EXOSC7: variants seen among roughly 807,000 people sequenced by gnomAD.
EXOSC7 encodes the protein exosome component 7, also known as exosome complex component RRP42.
Under a neutral mutation model 34.3 loss-of-function variants are expected in EXOSC7, and 25 were observed. The ratio of observed to expected loss-of-function variants is 0.73; its 90% confidence interval spans 0.53 to 1.02. The LOEUF (loss-of-function observed/expected upper bound fraction) is 1.02. Ranked by LOEUF, EXOSC7 falls within the 50% of genes least tolerant of loss-of-function variation. EXOSC7 has a pLI of 0.00. For missense variants in EXOSC7, 370 were observed against 368.5 expected, an observed-to-expected ratio of 1.00 and a Z score of -0.03; for synonymous variants, 130 against 143.0, an observed-to-expected ratio of 0.91 and a Z score of 0.65.
chr3:44,991,240 T>G (rs1057331139), intron 3 of EXOSC7, among the ~76,000 whole-genome samples: 4 of 152,184 alleles, frequency 2.6e-5, no homozygotes, highest in Non-Finnish European at 4.4e-5. Context: ...TGTCCCCTAC[T>G]CTGGTCCCCC....
chr3:44,978,954 G>T (rs976139827), intron 1 of EXOSC7, among the ~76,000 whole-genome samples: 1 of 152,144 alleles, frequency 6.6e-6, no homozygotes, highest in Non-Finnish European at 1.5e-5. Context: ...CTTTAAAGGG[G>T]GAATGAGTTG....
chr3:45,003,649 C>G, intron 5 of EXOSC7, among the ~76,000 whole-genome samples: 2 of 152,202 alleles, frequency 1.3e-5, no homozygotes, highest in Middle Eastern at 3.4e-3. Context: ...CTCCTCCAAC[C>G]CAGCCTGGAG....
At chr3:44,987,297 G>A (rs1706448556) in intron 1 of EXOSC7, among the ~76,000 whole-genome samples, 1 of 152,228 alleles carries the variant, frequency 6.6e-6, no homozygotes, top group Admixed American at 6.5e-5. Flanking sequence ...ATTTCTCTGA[G>A]CATACTTTTC....
chr3:44,994,638 T>C (rs1458291166), intron 3 of EXOSC7, among the ~76,000 whole-genome samples: 1 of 152,174 alleles, frequency 6.6e-6, no homozygotes, highest in Non-Finnish European at 1.5e-5. Context: ...CCAGCCTTTG[T>C]CTTCACACAT....
intron 1 of EXOSC7, among the ~76,000 whole-genome samples, chr3:44,988,230 T>G (rs1445043798): frequency 7.9e-5 from 12 of 152,138 alleles, no homozygotes. Flanking sequence ...TGGAGGCATG[T>G]TGAAAGAGCA....
rs537019300 is a variant in EXOSC7 at position 44,976,281 on chromosome 3, G to C, written c.4G>C (p.Ala2Pro). The C allele has an allele frequency of 1.9e-6, 3 of 1,561,660 alleles. No individual in the cohort carries two copies. Among genetic ancestry groups the C allele is most frequent in the Non-Finnish European group, 2.6e-6 (3 of 1,160,084 alleles). ...GCTCGTGGGGCAGCTCGGCAGCATGGCGTCCGTGACGCTGAGCGAGGCGGA... is the reference window on the plus strand; with the variant it reads ...GCTCGTGGGGCAGCTCGGCAGCATGCCGTCCGTGACGCTGAGCGAGGCGGA... The part of the protein sequence containing the change: M[A>P]SVTLSEAEKV... Residue 2 changes from alanine to proline, a missense_variant, in exon 1 of 8, where the codon GCG becomes CCG. Ala to Pro is a conservative substitution (Grantham distance 27, BLOSUM62 -1). This residue lies in a region of EXOSC7 where 95 missense variants were observed against 79.8 expected (regional missense o/e 1.19). Coordinates refer to ENST00000265564, the MANE Select transcript of EXOSC7 (RefSeq NM_015004.4).
At chr3:44,980,556 A>T (rs976605938) in intron 1 of EXOSC7, among the ~76,000 whole-genome samples, 2 of 152,224 alleles carry the variant, frequency 1.3e-5, no homozygotes, top group Admixed American at 1.3e-4. Flanking sequence ...TGCAAAGCCC[A>T]TACTTGACTC....
Position 44,979,171 on chromosome 3 carries a change from CA to C in EXOSC7, c.57+2840del, listed in dbSNP as rs1042887410. Among the ~76,000 whole-genome samples the C allele has an allele frequency of 2.6e-4, 39 of 152,236 alleles. 1 individual carries two copies. The highest frequency in any genetic ancestry group is 2.3e-3 in the Admixed American group (35 of 15,296). On this transcript the variant is annotated intron_variant, in intron 1 of 7. Transcript: ENST00000265564. ...GGAGCAAAACACAATTTACACCATCCAAATAAAGGTCAGGATGCAGGTGAAT... is the reference window on the plus strand; with the variant it reads ...GGAGCAAAACACAATTTACACCATCCAATAAAGGTCAGGATGCAGGTGAAT...
chr3:45,007,650 C>A, intron 7 of EXOSC7, 75 bp downstream of exon 7: 1 of 1,423,554 alleles, frequency 7.0e-7, no homozygotes, highest in South Asian at 1.4e-5. Flanking sequence ...TTGGTCATAC[C>A]GTGGGGATTC....
chr3:45,004,188 G>T (rs1323456291), intron 5 of EXOSC7: 1 of 152,068 alleles, frequency 6.6e-6, no homozygotes, highest in East Asian at 1.9e-4. Flanking sequence ...TTCACAAAGT[G>T]TTTTACCAGT....
intron 7 of EXOSC7, among the ~76,000 whole-genome samples, 170 bp downstream of exon 7, chr3:45,007,745 G>A (rs963406548): frequency 1.3e-5 from 2 of 152,176 alleles, no homozygotes; most frequent in Non-Finnish European, 2.9e-5. Context: ...ATCAAGGGGG[G>A]TTGTGGGGGT....
At chr3:44,977,457 C>T (rs915868839) in intron 1 of EXOSC7, 12 of 152,160 alleles carry the variant, frequency 7.9e-5, no homozygotes, top group Admixed American at 6.5e-4. Context: ...CGTGACCTGC[C>T]GTTATCTTCT....
intron 1 of EXOSC7, among the ~76,000 whole-genome samples, chr3:44,983,547 A>G (rs1221110829): frequency 6.6e-6 from 1 of 152,182 alleles, no homozygotes; most frequent in Non-Finnish European, 1.5e-5. Context: ...CCCTACTGGT[A>G]GGGTTGTTGT....
At position 44,977,717 on chromosome 3, in the gene EXOSC7, A is replaced by G. The variant is rs563009669; in HGVS notation, c.57+1383A>G. Among the ~76,000 whole-genome samples the G allele has an allele frequency of 3.9e-5, 6 of 152,292 alleles. No homozygotes were observed. In the South Asian group the frequency reaches 1.2e-3, roughly 32 times the overall value. On this transcript the variant is annotated intron_variant, in intron 1 of 7. Coordinates refer to ENST00000265564, the MANE Select transcript of EXOSC7 (RefSeq NM_015004.4). ...TTCAGGTGATTTTTATCCTCAAAGT[A>G]TTTTTTTAGGGACACATTACGGATA...
At position 44,976,299 on chromosome 3, in the gene EXOSC7, G is replaced by A. The variant is rs1706009547; in HGVS notation, c.22G>A (p.Glu8Lys). Residue 8 changes from glutamate (E) to lysine (K), a missense_variant, in exon 1 of 8, where the codon GAG (glutamate) becomes AAG (lysine). Physicochemically the swap from Glu to Lys is moderately conservative, Grantham distance 56. This residue lies in a region of EXOSC7 where 95 missense variants were observed against 79.8 expected (regional missense o/e 1.19). Transcript: ENST00000265564. MASVTLSEAEKVYIVHGV... is the reference protein window; with the variant it reads MASVTLSKAEKVYIVHGV... ...CAGCATGGCGTCCGTGACGCTGAGC[G>A]AGGCGGAGAAGGTGTACATCGTGCA... The A allele has an allele frequency of 6.4e-7, 1 of 1,562,142 alleles. No individual in the cohort carries two copies. Among genetic ancestry groups the A allele is most frequent in the Non-Finnish European group, 8.6e-7 (1 of 1,161,066 alleles).
intron 5 of EXOSC7, among the ~76,000 whole-genome samples, chr3:45,002,467 A>G (rs1706908656): frequency 6.6e-6 from 1 of 152,204 alleles, no homozygotes; most frequent in Non-Finnish European, 1.5e-5. Flanking sequence ...CCTGAGTTTC[A>G]CAATGGAGGG....
intron 5 of EXOSC7, among the ~76,000 whole-genome samples, chr3:45,002,916 T>A (rs149654718): frequency 5.9e-5 from 9 of 152,240 alleles, no homozygotes; most frequent in South Asian, 2.1e-4. Context: ...TCGGGCCCTG[T>A]TGGGGAAGGA....
chr3:44,976,474 C>A, intron 1 of EXOSC7, 140 bp downstream of exon 1: 1 of 737,798 alleles, frequency 1.4e-6, no homozygotes, highest in South Asian at 2.0e-5. Flanking sequence ...GGTTCTGCTG[C>A]CGGCGTTTGC....
intron 1 of EXOSC7, among the ~76,000 whole-genome samples, chr3:44,983,930 T>C (rs1706339910): frequency 6.6e-6 from 1 of 152,204 alleles, no homozygotes; most frequent in South Asian, 2.1e-4. Flanking sequence ...TTTGGTTTGT[T>C]TTCCTCCTAT....
Sources: allele counts gnomAD v4.1 joint callset (sites outside exome capture counted in the v4.1 genomes callset), GRCh38; gene constraint gnomAD v4.1.1; regional missense constraint gnomAD v4.1.1; transcripts MANE v1.5; gene names NCBI Gene and HGNC (gene_info 2026-07-23, HGNC 2026-07-21).